The following ANKRD31 variants were observed in gnomAD, a reference collection of about 807,000 sequenced individuals.
ANKRD31 encodes ankyrin repeat domain-containing protein 31.
ANKRD31 carries 147 observed loss-of-function variants against 186.0 expected under a neutral mutation model. That is an observed-to-expected ratio of 0.79 (90% CI 0.69 to 0.91). The LOEUF (loss-of-function observed/expected upper bound fraction) is 0.91. Among genes scored for constraint, ANKRD31 ranks in the 40% least tolerant of loss-of-function variants. The pLI is 0.00. For synonymous variants in ANKRD31, 673 were observed against 736.4 expected, an observed-to-expected ratio of 0.91 and a Z score of 1.39; for missense variants, 1,986 against 2,148.8, an observed-to-expected ratio of 0.92 and a Z score of 1.50.
At chr5:75,235,626 T>C (rs1758220537) in intron 1 of ANKRD31, among the ~76,000 whole-genome samples, 1 of 152,162 alleles carries the variant, frequency 6.6e-6, no homozygotes. Flanking sequence ...TGTTGCTTTC[T>C]CTCTCACCTC....
intron 11 of ANKRD31, among the ~76,000 whole-genome samples, chr5:75,161,221 A>G (rs1248209095): frequency 1.3e-5 from 2 of 152,184 alleles, no homozygotes; most frequent in Admixed American, 6.5e-5. Context: ...AATGCTGATA[A>G]TGATGTGGAC....
At chr5:75,232,608 A>G (rs1050811887) in intron 1 of ANKRD31, among the ~76,000 whole-genome samples, 3 of 152,102 alleles carry the variant, frequency 2.0e-5, no homozygotes, top group African/African-American at 7.2e-5. Context: ...GGGGTATGGA[A>G]GAATTTTGGG....
At chr5:75,103,859 T>G (rs572605524) in intron 22 of ANKRD31, among the ~76,000 whole-genome samples, 6 of 151,944 alleles carry the variant, frequency 3.9e-5, no homozygotes, top group African/African-American at 1.5e-4. Flanking sequence ...GGGAGTGCAG[T>G]TGGGGGAGGG....
At chr5:75,086,495 C>T (rs1745491765) in intron 23 of ANKRD31, among the ~76,000 whole-genome samples, 1 of 152,224 alleles carries the variant, frequency 6.6e-6, no homozygotes, top group Non-Finnish European at 1.5e-5. Context: ...AAATCTAGCT[C>T]ATATGCCTAC....
chr5:75,142,472 G>A (rs1751118064), intron 15 of ANKRD31, among the ~76,000 whole-genome samples: 1 of 151,916 alleles, frequency 6.6e-6, no homozygotes, highest in African/African-American at 2.4e-5. Context: ...TAAAAGCTCT[G>A]TATTGTTCTC....
chr5:75,113,067 T>C (rs1747912048), intron 19 of ANKRD31, among the ~76,000 whole-genome samples: 2 of 152,332 alleles, frequency 1.3e-5, no homozygotes, highest in Non-Finnish European at 2.9e-5. Context: ...CACTCCTACA[T>C]GTCCTTGTCA....
At chr5:75,096,896 T>C (rs1353393212) in intron 22 of ANKRD31, among the ~76,000 whole-genome samples, 2 of 148,672 alleles carry the variant, frequency 1.3e-5, no homozygotes, top group African/African-American at 5.0e-5. Flanking sequence ...CACCTATGAG[T>C]GAGAACATGC....
At position 75,147,374 on chromosome 5, in the gene ANKRD31, A is replaced by G; in HGVS notation, c.2037T>C (p.Tyr679=). The G allele has an allele frequency of 1.3e-6, 2 of 1,529,190 alleles. No individual in the cohort carries two copies. Among genetic ancestry groups the G allele is most frequent in the South Asian group, 2.4e-5 (2 of 82,448 alleles). The allele number at this position is 1,529,190 out of a possible 1,614,324, so 94.7% of individuals were successfully genotyped here. Reference sequence around the variant, plus strand: ...TTTTGGGATCTTTTTGGTAATATTCATATACATCTTCTTTATTTATAAATA... The same window carrying G: ...TTTTGGGATCTTTTTGGTAATATTCGTATACATCTTCTTTATTTATAAATA... ...ASLFINKEDV[Y]EYYQKDPKNT... Residue 679 remains tyrosine, a synonymous_variant, in exon 14 of 26, where the codon TAT becomes TAC. Coordinates refer to ENST00000506364, the MANE Select transcript of ANKRD31 (RefSeq NM_001372053.1).
intron 22 of ANKRD31, among the ~76,000 whole-genome samples, chr5:75,091,630 T>C (rs1204027900): frequency 6.6e-6 from 1 of 152,076 alleles, no homozygotes. Context: ...GAGTCTATGG[T>C]ATTTGAACCA....
chr5:75,140,561 CTTCTT>C (rs2150134674), intron 15 of ANKRD31, among the ~76,000 whole-genome samples: 1 of 152,286 alleles, frequency 6.6e-6, no homozygotes, highest in Non-Finnish European at 1.5e-5. Flanking sequence ...TTTGTGTACT[CTTCTT>C]CTCTTGAATA....
At chr5:75,112,397 C>T (rs948496252) in intron 20 of ANKRD31, 116 bp downstream of exon 20, 19 of 614,862 alleles carry the variant, frequency 3.1e-5, no homozygotes, top group African/African-American at 9.5e-5. Context: ...AATACTCTCA[C>T]ATAAAAATAG....
At chr5:75,136,922 C>T (rs1260203710) in intron 17 of ANKRD31, among the ~76,000 whole-genome samples, 1 of 152,050 alleles carries the variant, frequency 6.6e-6, no homozygotes, top group Non-Finnish European at 1.5e-5. Context: ...GGACAGAAAA[C>T]CAAACACCAC....
Position 75,146,663 on chromosome 5 carries a change from T to C in ANKRD31, c.2748A>G (p.Lys916=). 6.5e-7 allele frequency: 1 copy of C among 1,536,130 alleles called. No homozygotes were observed. The highest frequency in any genetic ancestry group is 8.7e-7 in the Non-Finnish European group (1 of 1,146,158). ...TGCCACCTGTAGAACACAACACCTT[T>C]TTAGATGTTATAGCCTTCTCAGAGG... is the stretch of plus-strand genomic sequence containing the variant. ...CSTSEKAITS[K]KVLCSTGGKK... Residue 916 remains lysine (K), a synonymous_variant, in exon 14 of 26, where the codon AAA becomes AAG. Coordinates refer to ENST00000506364, the MANE Select transcript of ANKRD31 (RefSeq NM_001372053.1).
Position 75,104,319 on chromosome 5 carries a change from G to C in ANKRD31, c.5240C>G (p.Thr1747Arg), listed in dbSNP as rs1747147805. ...CTGAATACATTTCTTTTTAGGAGCTGTACTGTAGTTTAAAGCCTTTTTTAT... is the reference window on the plus strand; with the variant it reads ...CTGAATACATTTCTTTTTAGGAGCTCTACTGTAGTTTAAAGCCTTTTTTAT... ...DTIKKALNYS[T>R]APKKKCIQIK... Residue 1747 changes from threonine to arginine, a missense_variant, in exon 22 of 26, where the codon ACA (threonine) becomes AGA (arginine). Transcript: ENST00000506364. 2 of 1,537,124 alleles carry C rather than the reference G, an allele frequency of 1.3e-6. No individual in the cohort carries two copies. Among genetic ancestry groups the C allele is most frequent in the Non-Finnish European group, 1.7e-6 (2 of 1,146,822 alleles).
rs1289171547 is a variant in ANKRD31, at chr5:75,110,632, C to T, written c.4243+1881G>A. ...GCTGAGGCAGAAGAATGGCTTGAACCTGGGAGGCGGAGGTTCCAGTGAGCT... is the reference window on the plus strand; with the variant it reads ...GCTGAGGCAGAAGAATGGCTTGAACTTGGGAGGCGGAGGTTCCAGTGAGCT... On this transcript the variant is annotated intron_variant, in intron 20 of 25. Transcript: ENST00000506364. 2.0e-5 allele frequency among the ~76,000 whole-genome samples: 3 copies of T among 151,200 alleles called. No homozygotes were observed. The South Asian group carries it at 6.3e-4, about 32-fold the overall frequency.
chr5:75,094,347 G>T (rs1002736465), intron 22 of ANKRD31, among the ~76,000 whole-genome samples: 8 of 151,542 alleles, frequency 5.3e-5, no homozygotes, highest in South Asian at 2.1e-4. Flanking sequence ...CGTATTGTTG[G>T]GTTTATAAAT....
intron 17 of ANKRD31, among the ~76,000 whole-genome samples, chr5:75,122,062 T>A (rs971339546): frequency 1.3e-5 from 2 of 151,906 alleles, no homozygotes; most frequent in African/African-American, 4.8e-5. Context: ...AGTTGATAAA[T>A]TGCTATCTAG....
At chr5:75,123,026 G>A (rs780656802) in intron 17 of ANKRD31, among the ~76,000 whole-genome samples, 114 of 152,122 alleles carry the variant, frequency 7.5e-4, no homozygotes, top group Admixed American at 4.8e-3. Context: ...TAATATGCTC[G>A]TAAACCTAGA....
At chr5:75,135,155 A>C (rs1750459206) in intron 17 of ANKRD31, among the ~76,000 whole-genome samples, 1 of 152,222 alleles carries the variant, frequency 6.6e-6, no homozygotes, top group Non-Finnish European at 1.5e-5. Context: ...TACTTTTGGA[A>C]GTTCTGGCCA....
Sources: gnomAD v4.1 joint callset for allele counts (sites outside exome capture counted in the v4.1 genomes callset) on GRCh38, gnomAD v4.1.1 for gene constraint, MANE v1.5 for transcripts, NCBI Gene and HGNC (gene_info 2026-07-23, HGNC 2026-07-21) for gene names.